RANBP2: variants seen among roughly 807,000 people sequenced by gnomAD.
RANBP2 encodes RAN binding protein 2.
Under a neutral mutation model 303.6 loss-of-function variants are expected in RANBP2, and 57 were observed. The observed-to-expected ratio is 0.19, with a 90% CI of 0.15 to 0.23. The LOEUF (loss-of-function observed/expected upper bound fraction) is 0.23. RANBP2 is among the 10% of genes least tolerant of loss of function. The probability of loss-of-function intolerance (pLI) is 1.00; values close to 1 mark genes in which losing one functional copy is unlikely to be tolerated. For synonymous variants in RANBP2, 1,167 were observed against 1,301.5 expected (o/e 0.90, Z 2.23); for missense variants, 3,138 against 3,780.8 (o/e 0.83, Z 4.46).
At chr2:109,372,719 A>C in the RANBP2 span, among the ~76,000 whole-genome samples, 59,343 of 151,816 alleles carry the variant, frequency 0.39, 11,854 homozygotes, top group African/African-American at 0.46. Flanking sequence ...CTCACACCAT[A>C]TCCTGCCTCT....
the RANBP2 span, among the ~76,000 whole-genome samples, chr2:109,023,830 A>G: frequency 1.3e-5 from 2 of 152,096 alleles, no homozygotes; most frequent in Non-Finnish European, 2.9e-5. Flanking sequence ...ACAAAAACAA[A>G]CAAACAAAAA....
At chr2:109,103,552 C>G in the RANBP2 span, among the ~76,000 whole-genome samples, 1 of 152,266 alleles carries the variant, frequency 6.6e-6, no homozygotes, top group African/African-American at 2.4e-5. Flanking sequence ...GAGTTATTAT[C>G]TAAAGAGTTG....
At chr2:108,799,565 T>C in the RANBP2 span, among the ~76,000 whole-genome samples, 1 of 152,242 alleles carries the variant, frequency 6.6e-6, no homozygotes, top group Non-Finnish European at 1.5e-5. Context: ...TTTTTCTTTA[T>C]CTTTGGTTTT....
the RANBP2 span, among the ~76,000 whole-genome samples, chr2:109,512,111 C>G: frequency 6.6e-6 from 1 of 152,182 alleles, no homozygotes; most frequent in Non-Finnish European, 1.5e-5. Context: ...ATATCTGTCT[C>G]AACATCCAAA....
At chr2:109,369,030 C>A in the RANBP2 span, among the ~76,000 whole-genome samples, 1 of 152,084 alleles carries the variant, frequency 6.6e-6, no homozygotes, top group African/African-American at 2.4e-5. Context: ...ACTCTAGTGT[C>A]CTCGTGGTGT....
chr2:108,846,799 C>CT, the RANBP2 span: 1 of 1,612,720 alleles, frequency 6.2e-7, no homozygotes, highest in Non-Finnish European at 8.5e-7. Flanking sequence ...GGAGTGGTAA[C>CT]TAAAGGAATT....
chr2:109,681,724 A>G, the RANBP2 span, among the ~76,000 whole-genome samples: 1 of 152,200 alleles, frequency 6.6e-6, no homozygotes, highest in Non-Finnish European at 1.5e-5. Context: ...GGGTCCTGGC[A>G]TCCCCTGGGA....
the RANBP2 span, among the ~76,000 whole-genome samples, chr2:108,986,384 G>A: frequency 1.6e-4 from 24 of 152,272 alleles, no homozygotes; most frequent in Non-Finnish European, 3.1e-4. Flanking sequence ...ATACAGGAGG[G>A]GGAGTGTTTG....
the RANBP2 span, among the ~76,000 whole-genome samples, chr2:109,236,020 T>C: frequency 6.6e-6 from 1 of 152,034 alleles, no homozygotes; most frequent in East Asian, 1.9e-4. Context: ...TGACCTATTA[T>C]AATATGCATG....
the RANBP2 span, among the ~76,000 whole-genome samples, chr2:109,184,918 A>G: frequency 6.6e-6 from 1 of 152,236 alleles, no homozygotes; most frequent in African/African-American, 2.4e-5. Context: ...CCAAGAATGT[A>G]AGAAAATATA....
At chr2:109,615,099 A>G in the RANBP2 span, 1 of 1,549,698 alleles carries the variant, frequency 6.5e-7, no homozygotes. Context: ...GGCCCGCCAG[A>G]ACCTCCGTGA....
At chr2:109,563,005 G>A in the RANBP2 span, among the ~76,000 whole-genome samples, 10 of 151,888 alleles carry the variant, frequency 6.6e-5, no homozygotes, top group Non-Finnish European at 1.3e-4. Context: ...CTGCCTCCCA[G>A]GTTCAAGTGA....
At chr2:109,493,384 A>G in the RANBP2 span, among the ~76,000 whole-genome samples, 2 of 150,324 alleles carry the variant, frequency 1.3e-5, no homozygotes, top group Non-Finnish European at 3.0e-5. Context: ...GCAAACACAC[A>G]TGGTACAGAC....
chr2:109,422,090 G>T, the RANBP2 span, among the ~76,000 whole-genome samples: 1 of 152,202 alleles, frequency 6.6e-6, no homozygotes, highest in African/African-American at 2.4e-5. Context: ...CAAGTACCCG[G>T]GGTGGGGGTC....
the RANBP2 span, among the ~76,000 whole-genome samples, chr2:109,685,323 T>A: frequency 6.6e-6 from 1 of 152,222 alleles, no homozygotes; most frequent in South Asian, 2.1e-4. Context: ...CCAGTATATC[T>A]AGGATAATTA....
chr2:109,642,326 TAAC>T, the RANBP2 span, among the ~76,000 whole-genome samples: 4 of 152,228 alleles, frequency 2.6e-5, no homozygotes, highest in African/African-American at 9.6e-5. Context: ...TATTGACACT[TAAC>T]AAAACCAGAT....
At chr2:109,100,714 T>G in the RANBP2 span, among the ~76,000 whole-genome samples, 1 of 151,956 alleles carries the variant, frequency 6.6e-6, no homozygotes, top group Admixed American at 6.6e-5. Context: ...GATATAGTGC[T>G]TGAAAAAGAA....
the RANBP2 span, among the ~76,000 whole-genome samples, chr2:109,139,814 C>T: frequency 1.3e-5 from 2 of 152,218 alleles, no homozygotes; most frequent in Non-Finnish European, 2.9e-5. Context: ...TTTTCAATCA[C>T]CTCTTTGCCA....
chr2:109,134,630 G>A, the RANBP2 span, among the ~76,000 whole-genome samples: 1 of 152,176 alleles, frequency 6.6e-6, no homozygotes, highest in Non-Finnish European at 1.5e-5. Flanking sequence ...CGGAAATTAA[G>A]GCTCCAGAAT....
Sources: allele counts gnomAD v4.1 joint callset (sites outside exome capture counted in the v4.1 genomes callset), GRCh38; gene constraint gnomAD v4.1.1; transcripts MANE v1.5; gene names NCBI Gene and HGNC (gene_info 2026-07-23, HGNC 2026-07-21).